DAW1: variants seen among roughly 807,000 people sequenced by gnomAD.
DAW1 encodes the protein dynein assembly factor with WD repeat domains 1.
A neutral mutation model predicts 56.5 loss-of-function variants in DAW1; 47 were observed. The ratio of observed to expected loss-of-function variants is 0.83; its 90% confidence interval spans 0.66 to 1.06. DAW1 has a LOEUF of 1.06. DAW1 is among the 50% of genes least tolerant of loss of function. The probability of loss-of-function intolerance (pLI) is 0.00; values close to 1 mark genes in which losing one functional copy is unlikely to be tolerated. For synonymous variants in DAW1, 190 were observed against 179.0 expected (o/e 1.06, Z -0.49); for missense variants, 505 against 499.3 (o/e 1.01, Z -0.11).
intron 10 of DAW1, among the ~76,000 whole-genome samples, chr2:227,914,696 G>A (rs1020978668): frequency 4.6e-5 from 7 of 151,966 alleles, no homozygotes; most frequent in African/African-American, 1.7e-4. Context: ...TTCACTGTCT[G>A]CATTAACATG....
At chr2:227,871,833 C>T (rs1349415173) in intron 1 of DAW1, 104 bp downstream of exon 1, 1 of 1,498,104 alleles carries the variant, frequency 6.7e-7, no homozygotes, top group Non-Finnish European at 9.1e-7. Context: ...GCGGCGGGGT[C>T]CCCAGGTGGG....
At chr2:227,909,907 G>A (rs138908260) in intron 10 of DAW1, among the ~76,000 whole-genome samples, 12 of 152,196 alleles carry the variant, frequency 7.9e-5, no homozygotes, top group South Asian at 2.1e-4. Context: ...TACCAGCCAC[G>A]TGGGTATCCC....
At chr2:227,885,975 CTT>C (rs10655811) in intron 2 of DAW1, among the ~76,000 whole-genome samples, 8 of 131,970 alleles carry the variant, frequency 6.1e-5, no homozygotes, top group Non-Finnish European at 6.3e-5. Flanking sequence ...TTTTTCTTTC[CTT>C]TTTTTTTTTT....
At chr2:227,913,507 T>A (rs1691877954) in intron 10 of DAW1, among the ~76,000 whole-genome samples, 1 of 152,178 alleles carries the variant, frequency 6.6e-6, no homozygotes, top group African/African-American at 2.4e-5. Flanking sequence ...ACATTTATGA[T>A]GCCATAATAT....
At chr2:227,910,495 AACACACAC>A (rs55741229) in intron 10 of DAW1, among the ~76,000 whole-genome samples, 4 of 145,254 alleles carry the variant, frequency 2.8e-5, no homozygotes, top group Non-Finnish European at 4.5e-5. Context: ...TTTGTGGATG[AACACACAC>A]ACACACACAC....
chr2:227,880,067 G>T (rs1218448444), intron 1 of DAW1, among the ~76,000 whole-genome samples: 1 of 152,108 alleles, frequency 6.6e-6, no homozygotes, highest in African/African-American at 2.4e-5. Flanking sequence ...CCAGAAATGT[G>T]TCTCCTCGTT....
At chr2:227,876,270 T>G (rs1460867485) in intron 1 of DAW1, among the ~76,000 whole-genome samples, 1 of 152,260 alleles carries the variant, frequency 6.6e-6, no homozygotes, top group South Asian at 2.1e-4. Flanking sequence ...TCCACCCGCC[T>G]TGGCCTCCCA....
At position 227,871,670 on chromosome 2, in the gene DAW1, G is replaced by T. The variant is rs756806067; in HGVS notation, c.-20G>T. ...TCCAAGGCTACGAAGCCCATCGGCC[G>T]GGGATAAGAGAGCAAGAAAATGAAG... On this transcript the variant is annotated 5_prime_UTR_variant, in exon 1 of 13. Coordinates refer to ENST00000309931, the MANE Select transcript of DAW1 (RefSeq NM_178821.3). 4 of 1,612,602 alleles carry T rather than the reference G, an allele frequency of 2.5e-6. No homozygotes were observed. The South Asian group carries it at 4.4e-5, about 18-fold the overall frequency.
chr2:227,872,302 GA>G (rs1427515028), intron 1 of DAW1: 24 of 130,954 alleles, frequency 1.8e-4, no homozygotes, highest in Non-Finnish European at 3.3e-4. Context: ...AGAAAAAAAA[GA>G]AAAAAATCTG....
intron 5 of DAW1, chr2:227,895,597 A>C (rs2106198433): frequency 6.6e-6 from 1 of 152,384 alleles, no homozygotes; most frequent in South Asian, 2.1e-4. Flanking sequence ...TCAGCAGCTC[A>C]GTGTCTCCAG....
chr2:227,921,552 G>T lies in DAW1; in HGVS notation c.1204G>T (p.Val402Phe), dbSNP rs780635040. ...SCAFNYKGNI[V>F]ITGSKDNTCR... ...TGCTTTCAACTATAAAGGCAACATA[G>T]TCATTACAGGTATGGAAGACATCAA... The change falls in exon 12 of 13, where the codon GTC (valine) becomes TTC (phenylalanine). Residue 402 changes from valine to phenylalanine, a missense_variant. By Grantham distance (50) the Val-to-Phe change is conservative. Coordinates refer to ENST00000309931, the MANE Select transcript of DAW1 (RefSeq NM_178821.3). 7 of 1,613,640 alleles carry T rather than the reference G, an allele frequency of 4.3e-6. No homozygotes were observed. The Admixed American group carries it at 1.2e-4, about 27-fold the overall frequency.
chr2:227,902,557 G>T (rs546228423), intron 6 of DAW1, among the ~76,000 whole-genome samples: 78 of 152,250 alleles, frequency 5.1e-4, no homozygotes, highest in Non-Finnish European at 3.1e-4. Flanking sequence ...CGGGGCATGG[G>T]TCTGGGGGAA....
At chr2:227,896,897 A>G (rs1327752985) in intron 5 of DAW1, among the ~76,000 whole-genome samples, 1 of 151,908 alleles carries the variant, frequency 6.6e-6, no homozygotes, top group Non-Finnish European at 1.5e-5. Context: ...TAAAGAATGT[A>G]CATAGTGAGA....
intron 5 of DAW1, among the ~76,000 whole-genome samples, chr2:227,894,527 C>T (rs572891294): frequency 2.6e-4 from 40 of 152,272 alleles, no homozygotes; most frequent in Non-Finnish European, 4.6e-4. Flanking sequence ...TTGGGAGTTC[C>T]GACAGGCACT....
intron 7 of DAW1, among the ~76,000 whole-genome samples, chr2:227,903,320 G>T (rs1052061755): frequency 1.3e-5 from 2 of 152,112 alleles, no homozygotes; most frequent in Admixed American, 6.6e-5. Context: ...ACTAACTTTA[G>T]TCTGCAAAAC....
intron 1 of DAW1, 79 bp downstream of exon 1, chr2:227,871,808 C>T (rs1423057622): frequency 7.0e-6 from 11 of 1,581,900 alleles, no homozygotes; most frequent in Non-Finnish European, 9.5e-6. Flanking sequence ...CGGAGGAGGG[C>T]GCAGCCACTG....
At chr2:227,915,370 A>G (rs1213609939) in intron 10 of DAW1, among the ~76,000 whole-genome samples, 3 of 152,072 alleles carry the variant, frequency 2.0e-5, no homozygotes, top group Admixed American at 2.0e-4. Context: ...TCATCAACTT[A>G]AGTACTATGT....
intron 10 of DAW1, among the ~76,000 whole-genome samples, chr2:227,916,017 A>C (rs1290927816): frequency 1.3e-5 from 2 of 152,152 alleles, no homozygotes; most frequent in Non-Finnish European, 1.5e-5. Context: ...CTATTTTATC[A>C]GTCACATATT....
chr2:227,909,907 G>C (rs138908260), intron 10 of DAW1, among the ~76,000 whole-genome samples: 1 of 152,078 alleles, frequency 6.6e-6, no homozygotes, highest in African/African-American at 2.4e-5. Flanking sequence ...TACCAGCCAC[G>C]TGGGTATCCC....
Sources: gnomAD v4.1 joint callset for allele counts (sites outside exome capture counted in the v4.1 genomes callset) on GRCh38, gnomAD v4.1.1 for gene constraint, MANE v1.5 for transcripts, NCBI Gene and HGNC (gene_info 2026-07-23, HGNC 2026-07-21) for gene names.